AGTRAP: variants seen among roughly 807,000 people sequenced by gnomAD.
AGTRAP encodes angiotensin II receptor associated protein.
AGTRAP carries 7 observed loss-of-function variants against 15.2 expected under a neutral mutation model. The observed-to-expected ratio is 0.46, with a 90% CI of 0.26 to 0.87. The LOEUF is 0.87. AGTRAP is among the 40% of genes least tolerant of loss of function. The pLI, the probability that AGTRAP is intolerant of heterozygous loss-of-function variation, is 0.15. For missense variants in AGTRAP, 187 were observed against 213.4 expected (o/e 0.88, Z 0.77); for synonymous variants, 74 against 89.6 (o/e 0.83, Z 0.98).
chr1:11,744,674 TC>T (rs1406624302), intron 1 of AGTRAP: 1 of 656,348 alleles, frequency 1.5e-6, no homozygotes, highest in Non-Finnish European at 2.8e-6. Context: ...AGGAAAGGGG[TC>T]CCAATCCAGA....
chr1:11,744,135 C>G (rs1388122258), intron 1 of AGTRAP, among the ~76,000 whole-genome samples: 2 of 151,968 alleles, frequency 1.3e-5, no homozygotes, highest in Admixed American at 6.6e-5. Context: ...ATTAGCTGGG[C>G]GTGGTGGTAC....
chr1:11,736,345 G>A (rs1570333523), intron 1 of AGTRAP, 110 bp downstream of exon 1: 4 of 1,460,122 alleles, frequency 2.7e-6, no homozygotes, highest in Non-Finnish European at 2.8e-6. Flanking sequence ...GGGATGGTAG[G>A]GAGGAAGGGA....
intron 1 of AGTRAP, chr1:11,744,649 C>A: frequency 1.5e-6 from 1 of 689,522 alleles, no homozygotes; most frequent in Non-Finnish European, 2.7e-6. Context: ...AAGGAGCCTC[C>A]CACCCTTGTG....
chr1:11,747,632 C>A, intron 3 of AGTRAP, 87 bp downstream of exon 3: 1 of 1,360,792 alleles, frequency 7.3e-7, no homozygotes, highest in Non-Finnish European at 1.0e-6. Flanking sequence ...CGTCCCATCC[C>A]AATCTTCCCC....
intron 1 of AGTRAP, among the ~76,000 whole-genome samples, chr1:11,741,530 G>T (rs1642030420): frequency 6.6e-6 from 1 of 152,158 alleles, no homozygotes; most frequent in African/African-American, 2.4e-5. Context: ...TCAAGCCCCT[G>T]GGGATTGAAA....
intron 4 of AGTRAP, among the ~76,000 whole-genome samples, chr1:11,749,743 G>A (rs17875959): frequency 0.014 from 2,131 of 152,338 alleles, 40 homozygotes; most frequent in African/African-American, 0.037. Flanking sequence ...GGGGCCAGGA[G>A]CCTGGCTTTG....
At chr1:11,742,392 TTGTC>T (rs773625641) in intron 1 of AGTRAP, among the ~76,000 whole-genome samples, 31 of 152,280 alleles carry the variant, frequency 2.0e-4, no homozygotes, top group Admixed American at 3.9e-4. Flanking sequence ...CAGAGTGAGT[TTGTC>T]TGTCTTTCTT....
Position 11,750,329 on chromosome 1 carries a change from G to T in AGTRAP, c.*137G>T. 1.2e-6 allele frequency: 1 copy of T among 842,690 alleles called. No homozygotes were observed. The highest frequency in any genetic ancestry group is 1.9e-6 in the Non-Finnish European group (1 of 515,170). The allele number at this position is 842,690 out of a possible 1,614,324, so 52.2% of individuals were successfully genotyped here. ...GCTCAGGGATTGCCTGAACCAAGAG[G>T]CCAGGAGCCCCCATGGGCCGCCCAG... On this transcript the variant is annotated 3_prime_UTR_variant, in exon 5 of 5. Transcript: ENST00000314340.
At position 11,750,568 on chromosome 1, in the gene AGTRAP, G is replaced by T; in HGVS notation, c.*376G>T. 6.1e-6 allele frequency: 3 copies of T among 495,220 alleles called. No individual in the cohort carries two copies. Among genetic ancestry groups the T allele is most frequent in the Non-Finnish European group, 1.1e-5 (3 of 275,514 alleles). 30.7% of individuals were successfully genotyped at this position (495,220 alleles called of 1,614,324 possible). ...CCTCCCCCAAGTTTGCTGGGCTTTG[G>T]TGGAAGCCCTGAGAGCTTCAGGTCC... On this transcript the variant is annotated 3_prime_UTR_variant, in exon 5 of 5. Coordinates refer to ENST00000314340, the MANE Select transcript of AGTRAP (RefSeq NM_020350.5).
At position 11,747,513 on chromosome 1, in the gene AGTRAP, G is replaced by C. The variant is rs749572710; in HGVS notation, c.136G>C (p.Ala46Pro). ...TILALGVWAV[A>P]QRDSIDAISM... is the part of the protein sequence containing the mutation. ...CCTGGCCTTGGGCGTGTGGGCTGTGGCTCAGCGGGACTCCATCGACGCCAT... is the reference window on the plus strand; with the variant it reads ...CCTGGCCTTGGGCGTGTGGGCTGTGCCTCAGCGGGACTCCATCGACGCCAT... Residue 46 changes from alanine to proline, a missense_variant, in exon 3 of 5, where the codon GCT becomes CCT. Transcript: ENST00000314340. The C allele has an allele frequency of 2.5e-6, 4 of 1,614,022 alleles. No homozygotes were observed. In the Admixed American group the frequency reaches 6.7e-5, roughly 27 times the overall value.
chr1:11,741,073 C>T lies in AGTRAP; in HGVS notation c.28-4730C>T, dbSNP rs550608882. Among the ~76,000 whole-genome samples the T allele has an allele frequency of 7.8e-4, 118 of 152,008 alleles. 1 individual carries two copies. The South Asian group carries it at 0.024, about 31-fold the overall frequency. On this transcript the variant is annotated intron_variant, in intron 1 of 4. Transcript: ENST00000314340. ...GCCTGCCCCCAACTTCCTGTCCCTC[C>T]CTCCTCCACTCCCCTCACCTTCCAC...
In AGTRAP at chr1:11,750,283, C is replaced by A; in HGVS notation, c.*91C>A. ...TGCTCCTGACCTCCGTCTCTTGGAC[C>A]TAAGATGGAATGTGTCCCCAGCTCA... On this transcript the variant is annotated 3_prime_UTR_variant, in exon 5 of 5. Coordinates refer to ENST00000314340, the MANE Select transcript of AGTRAP (RefSeq NM_020350.5). 1 of 1,114,652 alleles carries A rather than the reference C, an allele frequency of 9.0e-7. No individual in the cohort carries two copies. Among genetic ancestry groups the A allele is most frequent in the Non-Finnish European group, 1.3e-6 (1 of 758,428 alleles). The allele number at this position is 1,114,652 out of a possible 1,614,324, so 69.0% of individuals were successfully genotyped here.
intron 1 of AGTRAP, among the ~76,000 whole-genome samples, chr1:11,737,769 G>A (rs11121814): frequency 4.6e-5 from 7 of 152,102 alleles, no homozygotes; most frequent in Non-Finnish European, 7.3e-5. Flanking sequence ...GGCCTGACAG[G>A]CTAAGAGCAT....
intron 2 of AGTRAP, 81 bp from the exon 3 acceptor site, chr1:11,747,359 G>A (rs1642186964): frequency 1.6e-6 from 2 of 1,279,214 alleles, no homozygotes; most frequent in Non-Finnish European, 1.1e-6. Flanking sequence ...TCTGGGAGGA[G>A]GCCCTGAGAC....
intron 1 of AGTRAP, among the ~76,000 whole-genome samples, chr1:11,738,678 A>T (rs17875916): frequency 0.23 from 34,881 of 152,154 alleles, 4,681 homozygotes; most frequent in East Asian, 0.34. Flanking sequence ...CTGAGAGGTC[A>T]GGTGACTTGC....
chr1:11,748,673 C>T, intron 4 of AGTRAP, 63 bp downstream of exon 4: 2 of 1,551,062 alleles, frequency 1.3e-6, no homozygotes, highest in South Asian at 1.2e-5. Context: ...TGGCCTCCAG[C>T]CTCTCCCTCA....
At chr1:11,748,715 T>C (rs1642236741) in intron 4 of AGTRAP, 105 bp downstream of exon 4, 2 of 1,337,166 alleles carry the variant, frequency 1.5e-6, no homozygotes, top group Non-Finnish European at 2.0e-6. Flanking sequence ...GGGCCAGGGC[T>C]CAAGGTGCAG....
chr1:11,749,325 G>A (rs1010433168), intron 4 of AGTRAP, among the ~76,000 whole-genome samples: 1 of 152,264 alleles, frequency 6.6e-6, no homozygotes, highest in Non-Finnish European at 1.5e-5. Context: ...CTCCTGAGAT[G>A]AGATGCCCCA....
chr1:11,738,711 T>A (rs1399757226), intron 1 of AGTRAP, among the ~76,000 whole-genome samples: 1 of 152,144 alleles, frequency 6.6e-6, no homozygotes, highest in Non-Finnish European at 1.5e-5. Flanking sequence ...GGTTCTAAAG[T>A]CATGGAGCCA....
Sources: allele counts gnomAD v4.1 joint callset (sites outside exome capture counted in the v4.1 genomes callset), GRCh38; gene constraint gnomAD v4.1.1; transcripts MANE v1.5; gene names NCBI Gene and HGNC (gene_info 2026-07-23, HGNC 2026-07-21).